KLHL30: variants seen among roughly 807,000 people sequenced by gnomAD.
KLHL30 encodes the protein kelch like family member 30, also known as kelch-like protein 30.
A neutral mutation model predicts 55.0 loss-of-function variants in KLHL30; 55 were observed. That is an observed-to-expected ratio of 1.00 (90% CI 0.80 to 1.25). The LOEUF is 1.25. Ranked by LOEUF, KLHL30 falls within the 50% of genes most tolerant of loss-of-function variation. The pLI is 0.00. For synonymous variants in KLHL30, 356 were observed against 372.6 expected (o/e 0.96, Z 0.51); for missense variants, 786 against 811.6 (o/e 0.97, Z 0.38).
intron 1 of KLHL30, 41 bp from the exon 2 acceptor site, chr2:238,140,644 G>C (rs1383147818): frequency 8.5e-7 from 1 of 1,181,382 alleles, no homozygotes; most frequent in Non-Finnish European, 1.2e-6. Context: ...AGGAGGATGA[G>C]ACCATCCCCA....
In KLHL30 at chr2:238,152,635, CTGGG is replaced by C; in HGVS notation, c.*1571_*1574del. The C allele has an allele frequency of 6.6e-6, 1 of 152,224 alleles. No individual in the cohort carries two copies. The highest frequency in any genetic ancestry group is 2.4e-5 in the African/African-American group (1 of 41,430). 9.4% of individuals were successfully genotyped at this position (152,224 alleles called of 1,614,324 possible). A position where few individuals can be genotyped will look rare whatever the true frequency, so the allele number is the denominator to read the frequency against. ...CCGCCCGCCTCAGCCTCCCAAAGTGCTGGGATTACAAGGTGTGGGAGAAGTGAGT... is the reference window on the plus strand; with the variant it reads ...CCGCCCGCCTCAGCCTCCCAAAGTGCATTACAAGGTGTGGGAGAAGTGAGT... On this transcript the variant is annotated 3_prime_UTR_variant, in exon 8 of 8. Coordinates refer to ENST00000409223, the MANE Select transcript of KLHL30 (RefSeq NM_198582.4).
rs952827903 is a variant in KLHL30 at position 238,143,063 on chromosome 2, C to T, written c.907+132C>T. On this transcript the variant is annotated intron_variant, in intron 3 of 7. Transcript: ENST00000409223. Reference sequence around the variant, plus strand: ...AGCTGTGTGAGGCCCCTGTGAGGGGCGTGCCTGGGTGGGCCTCACCTGGGG... The same window carrying T: ...AGCTGTGTGAGGCCCCTGTGAGGGGTGTGCCTGGGTGGGCCTCACCTGGGG... 8 of 1,181,644 alleles carry T rather than the reference C, an allele frequency of 6.8e-6. No homozygotes were observed. In the Admixed American group the frequency reaches 1.3e-4, roughly 19 times the overall value. The allele number at this position is 1,181,644 out of a possible 1,614,324, so 73.2% of individuals were successfully genotyped here.
chr2:238,140,619 C>A, intron 1 of KLHL30, 66 bp from the exon 2 acceptor site: 1 of 827,728 alleles, frequency 1.2e-6, no homozygotes, highest in Non-Finnish European at 1.9e-6. Flanking sequence ...GATGGACAGA[C>A]CGGGTGGGTT....
rs1473645641 is a variant in KLHL30 at position 238,140,712 on chromosome 2, C to G, written c.-43C>G. 1 of 1,460,760 alleles carries G rather than the reference C, an allele frequency of 6.8e-7. No homozygotes were observed. The highest frequency in any genetic ancestry group is 9.1e-7 in the Non-Finnish European group (1 of 1,100,454). 90.5% of individuals were successfully genotyped at this position (1,460,760 alleles called of 1,614,324 possible). A position where few individuals can be genotyped will look rare whatever the true frequency, so the allele number is the denominator to read the frequency against. Reference sequence around the variant, plus strand: ...GCTCGGGCGGCTCCAGGCACTTCTTCCCTTGAGTGGGTGGACTACTGAGGT... The same window carrying G: ...GCTCGGGCGGCTCCAGGCACTTCTTGCCTTGAGTGGGTGGACTACTGAGGT... On this transcript the variant is annotated 5_prime_UTR_variant, in exon 2 of 8. Transcript: ENST00000409223.
Position 238,147,989 on chromosome 2 carries a change from G to T in KLHL30, c.1306G>T (p.Ala436Ser). 1 of 1,535,330 alleles carries T rather than the reference G, an allele frequency of 6.5e-7. No individual in the cohort carries two copies. Among genetic ancestry groups the T allele is most frequent in the Non-Finnish European group, 8.8e-7 (1 of 1,139,604 alleles). ...GGGCTCCAGCGCCTGCAAGTACAAC[G>T]CCCTGGCCCTGCAGTGCTACAACCC... is the stretch of plus-strand genomic sequence containing the variant. Reference protein sequence around the residue: ...LVGSSACKYNALALQCYNPVT... With the variant: ...LVGSSACKYNSLALQCYNPVT... The change falls in exon 6 of 8, where the codon GCC becomes TCC. Residue 436 changes from alanine (A) to serine (S), a missense_variant. Ala to Ser is a moderately conservative substitution (Grantham distance 99). Transcript: ENST00000409223. This position sits in a 1 kb window ranked among gnomAD's most constrained non-coding sequence, Gnocchi z 5.8.
Position 238,151,008 on chromosome 2 carries a change from C to G in KLHL30, c.1680C>G (p.Thr560=). 1 of 1,591,310 alleles carries G rather than the reference C, an allele frequency of 6.3e-7. No individual in the cohort carries two copies. Among genetic ancestry groups the G allele is most frequent in the Non-Finnish European group, 8.5e-7 (1 of 1,170,218 alleles). The change falls in exon 8 of 8, where the codon ACC becomes ACG. Residue 560 remains threonine (T), a synonymous_variant. Coordinates refer to ENST00000409223, the MANE Select transcript of KLHL30 (RefSeq NM_198582.4). ...PRLWLYHGAS[T]VFLDVSKWTQ... ...TCTGGCTCTACCACGGGGCCTCCAC[C>G]GTCTTCCTGGATGTCTCCAAGTGGA...
At position 238,149,012 on chromosome 2, in the gene KLHL30, T is replaced by A. The variant is rs775026918; in HGVS notation, c.1345T>A (p.Trp449Arg). 5.6e-5 allele frequency: 89 copies of A among 1,598,154 alleles called. No individual in the cohort carries two copies. Among genetic ancestry groups the A allele is most frequent in the Non-Finnish European group, 7.2e-5 (85 of 1,172,796 alleles). ...AGTGCCCGTGCCCCCCACAGATGCG[T>A]GGAGTGTGATCGCCTCGCCCTTCCT... ...LQCYNPVTDA[W>R]SVIASPFLPK... Residue 449 changes from tryptophan to arginine, a missense_variant, in exon 7 of 8, where the codon TGG becomes AGG. Physicochemically the swap from Trp to Arg is moderately radical, Grantham distance 101 (BLOSUM62 -3). Coordinates refer to ENST00000409223, the MANE Select transcript of KLHL30 (RefSeq NM_198582.4).
rs769755452 is a variant in KLHL30, at chr2:238,141,080, C to T, written c.326C>T (p.Thr109Met). The T allele has an allele frequency of 1.7e-5, 28 of 1,608,874 alleles. 1 individual carries two copies. The highest frequency in any genetic ancestry group is 4.4e-5 in the South Asian group (4 of 90,920). The change falls in exon 2 of 8, where the codon ACG (threonine) becomes ATG (methionine). Residue 109 changes from threonine to methionine, a missense_variant. Physicochemically the swap from Thr to Met is moderately conservative, Grantham distance 81. Coordinates refer to ENST00000409223, the MANE Select transcript of KLHL30 (RefSeq NM_198582.4). ...TQGNVEALTR[T>M]AARLHFPSVQ... ...GGCAACGTGGAGGCGCTGACACGCA[C>T]GGCTGCGCGCCTGCACTTCCCCTCG...
At chr2:238,144,432 A>AAAGAAGGAAGGAAGGCAGGC (rs1692607763) in intron 3 of KLHL30, among the ~76,000 whole-genome samples, 4 of 82,380 alleles carry the variant, frequency 4.9e-5, no homozygotes, top group Non-Finnish European at 1.0e-4. Context: ...GGAAGGAAGG[A>AAAGAAGGAAGGAAGGCAGGC]AGGCAGGCAG....
rs754556987 is a variant in KLHL30, at chr2:238,150,918, C to T, written c.1590C>T (p.His530=). The change falls in exon 8 of 8, where the codon CAC becomes CAT. Residue 530 remains histidine (H), a synonymous_variant. Transcript: ENST00000409223. The part of the protein sequence containing the change: ...GRWQGMEGDY[H]VEMEAYDTVR... ...GGCAGGGCATGGAAGGTGACTACCACGTGGAGATGGAGGCCTACGACACGG... is the reference window on the plus strand; with the variant it reads ...GGCAGGGCATGGAAGGTGACTACCATGTGGAGATGGAGGCCTACGACACGG... 22 of 1,596,852 alleles carry T rather than the reference C, an allele frequency of 1.4e-5. No individual in the cohort carries two copies. The highest frequency in any genetic ancestry group is 4.6e-5 in the East Asian group (2 of 43,870).
intron 3 of KLHL30, among the ~76,000 whole-genome samples, chr2:238,144,058 C>T (rs1315053540): frequency 2.6e-5 from 4 of 152,220 alleles, no homozygotes; most frequent in South Asian, 2.1e-4. Flanking sequence ...TTTTCCAAAG[C>T]ATTTTCTCAT....
chr2:238,150,038 C>T (rs570097912), intron 7 of KLHL30, among the ~76,000 whole-genome samples: 3 of 152,324 alleles, frequency 2.0e-5, no homozygotes, highest in South Asian at 4.1e-4. Context: ...CAGCTGTCCC[C>T]TGGCGTCACT....
intron 3 of KLHL30, among the ~76,000 whole-genome samples, chr2:238,143,545 A>AG (rs1692579979): frequency 6.6e-6 from 1 of 152,202 alleles, no homozygotes; most frequent in Non-Finnish European, 1.5e-5. Context: ...AGGAGGCATG[A>AG]GGGGCCCCGC....
rs1481454328 is a variant in KLHL30, at chr2:238,147,519, C to A, written c.1151-315C>A. The stretch of plus-strand genomic sequence containing the variant: ...GTTCAGAGCACCCCAGGAAATGACT[C>A]CCAGCACATGAGGGGCCTGGGGGCG... On this transcript the variant is annotated intron_variant, in intron 5 of 7. Transcript: ENST00000409223. The surrounding 1 kb of genome is among the most constrained non-coding windows in gnomAD (Gnocchi z 5.8). Among the ~76,000 whole-genome samples, 1 of 152,174 alleles carries A rather than the reference C, an allele frequency of 6.6e-6. No individual in the cohort carries two copies. The highest frequency in any genetic ancestry group is 2.4e-5 in the African/African-American group (1 of 41,444).
At chr2:238,145,048 C>A in intron 4 of KLHL30, 60 bp downstream of exon 4, 1 of 1,326,768 alleles carries the variant, frequency 7.5e-7, no homozygotes, top group Non-Finnish European at 1.1e-6. Flanking sequence ...GGGCTCAGTG[C>A]AACTCCCCGC....
At position 238,144,404 on chromosome 2, in the gene KLHL30, A is replaced by C. The variant is rs139628543; in HGVS notation, c.908-498A>C. On this transcript the variant is annotated intron_variant, in intron 3 of 7. Transcript: ENST00000409223. ...GAAGGAAGGAAGGAAGGAAGGAAGG[A>C]AGGAAGGAAGGAAGGAAGGAAGGAA... Among the ~76,000 whole-genome samples the C allele has an allele frequency of 7.3e-4, 89 of 121,786 alleles. 1 individual carries two copies. Among genetic ancestry groups the C allele is most frequent in the East Asian group, 3.4e-3 (13 of 3,862 alleles). 79.9% of individuals were successfully genotyped at this position (121,786 alleles called of 152,430 possible).
rs1692669872 is a variant in KLHL30 at position 238,147,603 on chromosome 2, T to G, written c.1151-231T>G. Among the ~76,000 whole-genome samples the G allele has an allele frequency of 6.6e-6, 1 of 151,970 alleles. No individual in the cohort carries two copies. Among genetic ancestry groups the G allele is most frequent in the Admixed American group, 6.5e-5 (1 of 15,276 alleles). On this transcript the variant is annotated intron_variant, in intron 5 of 7. Transcript: ENST00000409223. The surrounding 1 kb of genome is among the most constrained non-coding windows in gnomAD (Gnocchi z 5.8). ...CCCAAACATCAGCCCCAGCTCGAGCTCAGGAGTGGGGCATTTCTAGGCCCG... is the reference window on the plus strand; with the variant it reads ...CCCAAACATCAGCCCCAGCTCGAGCGCAGGAGTGGGGCATTTCTAGGCCCG...
chr2:238,144,482 G>GGCAGGCAGGCAGGCAGGCAT (rs1559276131), intron 3 of KLHL30, among the ~76,000 whole-genome samples: 2 of 148,718 alleles, frequency 1.3e-5, no homozygotes, highest in Non-Finnish European at 3.0e-5. Context: ...CAGGCAGGCA[G>GGCAGGCAGGCAGGCAGGCAT]GCATGCTGTT....
intron 3 of KLHL30, among the ~76,000 whole-genome samples, chr2:238,144,432 A>AGGAAGGAAGGCAGGCAGGCAGGC (rs1692607584): frequency 3.6e-5 from 3 of 82,454 alleles, no homozygotes; most frequent in African/African-American, 1.4e-4. Context: ...GGAAGGAAGG[A>AGGAAGGAAGGCAGGCAGGCAGGC]AGGCAGGCAG....
Sources: allele counts gnomAD v4.1 joint callset (sites outside exome capture counted in the v4.1 genomes callset), GRCh38; gene constraint gnomAD v4.1.1; non-coding constraint Gnocchi (gnomAD v3.1); transcripts MANE v1.5; gene names NCBI Gene and HGNC (gene_info 2026-07-23, HGNC 2026-07-21).